CHD3: variants seen among roughly 807,000 people sequenced by gnomAD.
The protein encoded by CHD3 is ATP-dependent chromatin remodeler CHD3.
CHD3 carries 52 observed loss-of-function variants against 248.9 expected under a neutral mutation model. The observed-to-expected ratio is 0.21, with a 90% CI of 0.17 to 0.26. The LOEUF (loss-of-function observed/expected upper bound fraction) is 0.26. Among genes scored for constraint, CHD3 ranks in the 10% least tolerant of loss-of-function variants. CHD3 has a pLI of 1.00. For synonymous variants in CHD3, 985 were observed against 985.2 expected (o/e 1.00, Z 0.00); for missense variants, 1,482 against 2,605.8 (o/e 0.57, Z 9.39).
At position 7,899,485 on chromosome 17, in the gene CHD3, A is replaced by G; in HGVS notation, c.2486A>G (p.Asn829Ser). The G allele has an allele frequency of 1.2e-6, 2 of 1,614,174 alleles. No individual in the cohort carries two copies. The highest frequency in any genetic ancestry group is 2.2e-5 in the East Asian group (1 of 44,882). Residue 829 changes from asparagine to serine, a missense_variant, in exon 15 of 40, where the codon AAT (asparagine) becomes AGT (serine). Physicochemically the swap from Asn to Ser is conservative, Grantham distance 46 (BLOSUM62 1). Transcript: ENST00000330494. The surrounding 1 kb of genome is among the most constrained non-coding windows in gnomAD (Gnocchi z 6.8). The part of the protein sequence containing the change: ...DKDSRAIIRE[N>S]EFSFEDNAIK... ...GACAGCCGGGCCATCATTCGTGAGA[A>G]TGAATTCTCCTTTGAGGACAATGCC...
chr17:7,893,656 C>A (rs180787923), intron 5 of CHD3, 87 bp downstream of exon 5: 1 of 1,529,180 alleles, frequency 6.5e-7, no homozygotes, highest in Non-Finnish European at 8.8e-7. Flanking sequence ...CCTTCCCAGC[C>A]CTGATTGCTG....
At chr17:7,890,869 A>G (rs1968748616) in intron 3 of CHD3, 71 bp from the exon 4 acceptor site, 1 of 1,603,488 alleles carries the variant, frequency 6.2e-7, no homozygotes, top group African/African-American at 1.3e-5. Context: ...GTGGGTAGGT[A>G]GACAGGCCTG....
At chr17:7,884,910 A>G, upstream of CHD3, 1 of 1,289,322 alleles carries the variant, frequency 7.8e-7, no homozygotes, top group East Asian at 3.8e-5. Flanking sequence ...GAGGAGGAGG[A>G]GGTGGAGGCG....
Position 7,895,066 on chromosome 17 carries a change from G to C in CHD3, c.1419G>C (p.Ala473=). 6.2e-7 allele frequency: 1 copy of C among 1,614,108 alleles called. No homozygotes were observed. Among genetic ancestry groups the C allele is most frequent in the South Asian group, 1.1e-5 (1 of 91,078 alleles). The part of the protein sequence containing the change: ...KDGGELLCCD[A]CISSYHIHCL... Reference sequence around the variant, plus strand: ...GCGGGGAGCTCCTGTGCTGTGACGCGTGCATCTCCTCCTACCACATTCATT... The same window carrying C: ...GCGGGGAGCTCCTGTGCTGTGACGCCTGCATCTCCTCCTACCACATTCATT... Residue 473 remains alanine, a synonymous_variant, in exon 9 of 40, where the codon GCG becomes GCC. Coordinates refer to ENST00000330494, the MANE Select transcript of CHD3 (RefSeq NM_001005273.3). This position sits in a 1 kb window ranked among gnomAD's most constrained non-coding sequence, Gnocchi z 4.9.
Position 7,903,207 on chromosome 17 carries a change from C to G in CHD3, c.3496-65C>G. 1.3e-6 allele frequency: 2 copies of G among 1,582,840 alleles called. No homozygotes were observed. Among genetic ancestry groups the G allele is most frequent in the Non-Finnish European group, 1.7e-6 (2 of 1,155,504 alleles). ...TCAGCAGCCTTCTTTCCTGAGGCAG[C>G]TCTATGGGCAGCTTCTCCCCGGCCA... On this transcript the variant is annotated intron_variant, in intron 22 of 39. Transcript: ENST00000330494. This position sits in a 1 kb window ranked among gnomAD's most constrained non-coding sequence, Gnocchi z 6.8.
chr17:7,901,476 G>T, intron 20 of CHD3, 101 bp downstream of exon 20: 6 of 756,522 alleles, frequency 7.9e-6, no homozygotes, highest in East Asian at 3.3e-5. Context: ...GCTCTGGTGT[G>T]ACAAATGAGG....
chr17:7,894,043 A>T, intron 6 of CHD3, 72 bp from the exon 7 acceptor site: 1 of 1,240,030 alleles, frequency 8.1e-7, no homozygotes, highest in Non-Finnish European at 1.1e-6. Context: ...GGATGGCGGA[A>T]CAGGAAGCCA....
Position 7,905,793 on chromosome 17 carries a change from G to A in CHD3, c.4225-63G>A, listed in dbSNP as rs1970854166. 1 of 1,614,016 alleles carries A rather than the reference G, an allele frequency of 6.2e-7. No homozygotes were observed. ...GTTGGTGCCTGGATCACTGAAGGTAGAAAGGACAAGACCTAAGAACCCTAG... is the reference window on the plus strand; with the variant it reads ...GTTGGTGCCTGGATCACTGAAGGTAAAAAGGACAAGACCTAAGAACCCTAG... On this transcript the variant is annotated intron_variant, in intron 27 of 39. Coordinates refer to ENST00000330494, the MANE Select transcript of CHD3 (RefSeq NM_001005273.3). The surrounding 1 kb of genome is among the most constrained non-coding windows in gnomAD (Gnocchi z 5.8).
rs1434815775 is a variant in CHD3 at position 7,907,506 on chromosome 17, GGAGTGAT to G, written c.4924+20_4924+26del. ...GAAGTCAGGTGGGTGCATGGCCTTA[GGAGTGAT>G]GGGGGATTAGAATTTGGGATTTCCC... On this transcript the variant is annotated intron_variant, in intron 32 of 39. Coordinates refer to ENST00000330494, the MANE Select transcript of CHD3 (RefSeq NM_001005273.3). The surrounding 1 kb of genome is among the most constrained non-coding windows in gnomAD (Gnocchi z 4.3). The G allele has an allele frequency of 6.4e-7, 1 of 1,550,924 alleles. No homozygotes were observed. The highest frequency in any genetic ancestry group is 2.1e-5 in the Admixed American group (1 of 48,572).
At position 7,905,937 on chromosome 17, in the gene CHD3, A is replaced by T. The variant is rs1312680415; in HGVS notation, c.4306A>T (p.Thr1436Ser). The T allele has an allele frequency of 6.2e-7, 1 of 1,614,192 alleles. No individual in the cohort carries two copies. The highest frequency in any genetic ancestry group is 2.2e-5 in the East Asian group (1 of 44,882). Residue 1436 changes from threonine (T) to serine (S), a missense_variant, in exon 28 of 40, where the codon ACC (threonine) becomes TCC (serine). By Grantham distance (58) the Thr-to-Ser change is moderately conservative. Transcript: ENST00000330494. This position sits in a 1 kb window ranked among gnomAD's most constrained non-coding sequence, Gnocchi z 5.8. Reference sequence around the variant, plus strand: ...GGGGATGCCACCACAGGATGCCTTCACCACACAGTGGCTGGTGCGGGACCT... The same window carrying T: ...GGGGATGCCACCACAGGATGCCTTCTCCACACAGTGGCTGGTGCGGGACCT... Reference protein sequence around the residue: ...RWGMPPQDAFTTQWLVRDLRG... With the variant: ...RWGMPPQDAFSTQWLVRDLRG...
At position 7,911,889 on chromosome 17, in the gene CHD3, A is replaced by C. The variant is rs943422643; in HGVS notation, c.*304A>C. On this transcript the variant is annotated 3_prime_UTR_variant, in exon 40 of 40. Coordinates refer to ENST00000330494, the MANE Select transcript of CHD3 (RefSeq NM_001005273.3). This position sits in a 1 kb window ranked among gnomAD's most constrained non-coding sequence, Gnocchi z 5.4. ...CACTGCCAAGTATACACAACTTCCC[A>C]GTAAATGGTTGTGGGGAGGAAAGAG... is the stretch of plus-strand genomic sequence containing the variant. 1 of 555,078 alleles carries C rather than the reference A, an allele frequency of 1.8e-6. No homozygotes were observed. The highest frequency in any genetic ancestry group is 2.0e-5 in the African/African-American group (1 of 50,808). The allele number at this position is 555,078 out of a possible 1,614,324, so 34.4% of individuals were successfully genotyped here.
In CHD3 at chr17:7,903,141, G is replaced by A. The variant is rs1377266918; in HGVS notation, c.3495+80G>A. 26 of 1,579,414 alleles carry A rather than the reference G, an allele frequency of 1.6e-5. No homozygotes were observed. The East Asian group carries it at 5.6e-4, about 34-fold the overall frequency. ...ATGGAGGAGGGTGTCATGTTCCGGG[G>A]TCAGAAATAAATCTCTTCTGGGAGG... On this transcript the variant is annotated intron_variant, in intron 22 of 39. Coordinates refer to ENST00000330494, the MANE Select transcript of CHD3 (RefSeq NM_001005273.3). This position sits in a 1 kb window ranked among gnomAD's most constrained non-coding sequence, Gnocchi z 6.8.
Position 7,912,703 on chromosome 17 carries a change from C to A in CHD3, c.*1118C>A, listed in dbSNP as rs1377453909. ...CACCCACTCCTGGTCTGTCCTGATC[C>A]CCTCTTCTGTATCAGGTTTATTGGT... On this transcript the variant is annotated 3_prime_UTR_variant, in exon 40 of 40. Transcript: ENST00000330494. The A allele has an allele frequency of 6.9e-6, 1 of 144,094 alleles. No individual in the cohort carries two copies. The highest frequency in any genetic ancestry group is 2.6e-5 in the African/African-American group (1 of 38,178). The allele number at this position is 144,094 out of a possible 1,614,324, so 8.9% of individuals were successfully genotyped here. A position where few individuals can be genotyped will look rare whatever the true frequency, so the allele number is the denominator to read the frequency against.
At position 7,888,816 on chromosome 17, in the gene CHD3, C is replaced by T. The variant is rs1255208873; in HGVS notation, c.-185C>T. 3.5e-5 allele frequency: 50 copies of T among 1,438,926 alleles called. No individual in the cohort carries two copies. Among genetic ancestry groups the T allele is most frequent in the Non-Finnish European group, 3.9e-5 (43 of 1,101,352 alleles). 89.1% of individuals were successfully genotyped at this position (1,438,926 alleles called of 1,614,324 possible). On this transcript the variant is annotated 5_prime_UTR_variant, in exon 1 of 40. Transcript: ENST00000330494. ...ATCTTTGTTTGGGTCTCCCATACTG[C>T]GTATAGATGAATGGGTCAGGATATC...
At position 7,909,268 on chromosome 17, in the gene CHD3, C is replaced by T. The variant is rs756735238; in HGVS notation, c.5520C>T (p.Ala1840=). The change falls in exon 37 of 40, where the codon GCC becomes GCT. Residue 1840 remains alanine, a synonymous_variant. Transcript: ENST00000330494. This position sits in a 1 kb window ranked among gnomAD's most constrained non-coding sequence, Gnocchi z 8.1. ...GCTTCGCCGAGGCCGAGTGCCTGGC[C>T]GAGAGCCACCAGCACCTCTCCAAGG... ...HARFAEAECL[A]ESHQHLSKES... The T allele has an allele frequency of 2.2e-5, 34 of 1,556,502 alleles. No individual in the cohort carries two copies. In the East Asian group the frequency reaches 3.6e-4, roughly 17 times the overall value.
At chr17:7,885,051 C>T (rs1967552745), upstream of CHD3, 1 of 1,019,776 alleles carries the variant, frequency 9.8e-7, no homozygotes, top group Non-Finnish European at 1.2e-6. Flanking sequence ...CCGCCGCCAC[C>T]GCTGCCCCCG....
chr17:7,910,181 A>T lies in CHD3; in HGVS notation c.5591-247A>T. ...CCCTTTTTCTTTCTTCTTTCTCTCC[A>T]TCTGTCTTCTGTGGTAATCTGGTCT... On this transcript the variant is annotated intron_variant, in intron 37 of 39. Transcript: ENST00000330494. The surrounding 1 kb of genome is among the most constrained non-coding windows in gnomAD (Gnocchi z 4.7). The T allele has an allele frequency of 1.5e-5, 6 of 397,890 alleles. No individual in the cohort carries two copies. The highest frequency in any genetic ancestry group is 1.8e-5 in the Non-Finnish European group (4 of 223,654). The allele number at this position is 397,890 out of a possible 1,614,324, so 24.6% of individuals were successfully genotyped here. A position where few individuals can be genotyped will look rare whatever the true frequency, so the allele number is the denominator to read the frequency against.
upstream of CHD3, among the ~76,000 whole-genome samples, chr17:7,885,955 A>G (rs111630031): frequency 0.085 from 12,844 of 151,822 alleles, 1,074 homozygotes; most frequent in African/African-American, 0.21. Flanking sequence ...GGAACCAGAT[A>G]CCCCCGGCTC....
chr17:7,894,209 G>T lies in CHD3; in HGVS notation c.1019G>T (p.Gly340Val). Residue 340 changes from glycine to valine, a missense_variant, in exon 7 of 40, where the codon GGC (glycine) becomes GTC (valine). Around this residue, in one of 20 missense-constraint regions of CHD3, gnomAD observed 149 missense variants for 182.6 expected, o/e 0.82. Transcript: ENST00000330494. ...CACAGTGCCTCAGGCCGGCCTGATG[G>T]CCCTGTCCGCACCAAGAAACTAAAG... ...SVHSASGRPD[G>V]PVRTKKLKRG... is the part of the protein sequence containing the mutation. The T allele has an allele frequency of 1.2e-6, 2 of 1,614,220 alleles. No homozygotes were observed. The highest frequency in any genetic ancestry group is 1.7e-6 in the Non-Finnish European group (2 of 1,180,034).
Sources: gnomAD v4.1 joint callset for allele counts (sites outside exome capture counted in the v4.1 genomes callset) on GRCh38, gnomAD v4.1.1 for gene constraint, gnomAD v4.1.1 regional missense constraint, Gnocchi (gnomAD v3.1) non-coding constraint, MANE v1.5 for transcripts, NCBI Gene and HGNC (gene_info 2026-07-23, HGNC 2026-07-21) for gene names.